Variants in ATP12A observed in about 807,000 individuals in gnomAD.
ATP12A encodes the protein ATPase H+/K+ transporting non-gastric alpha2 subunit, also known as potassium-transporting ATPase alpha chain 2.
ATP12A carries 81 observed loss-of-function variants against 111.2 expected under a neutral mutation model. The observed-to-expected ratio is 0.73, with a 90% CI of 0.61 to 0.88. ATP12A has a LOEUF of 0.88. Among genes scored for constraint, ATP12A ranks in the 40% least tolerant of loss-of-function variants. ATP12A has a pLI of 0.00. For synonymous variants in ATP12A, 498 were observed against 499.8 expected, an observed-to-expected ratio of 1.00 and a Z score of 0.05; for missense variants, 1,196 against 1,313.1, an observed-to-expected ratio of 0.91 and a Z score of 1.38.
chr13:24,690,240 T>C, intron 5 of ATP12A, 98 bp from the exon 6 acceptor site: 1 of 1,536,866 alleles, frequency 6.5e-7, no homozygotes, highest in Non-Finnish European at 8.8e-7. Flanking sequence ...ATCAGGAAGT[T>C]CCAAGGCCTC....
At chr13:24,693,301 C>T (rs150976271) in intron 10 of ATP12A, among the ~76,000 whole-genome samples, 5 of 152,186 alleles carry the variant, frequency 3.3e-5, no homozygotes, top group African/African-American at 1.2e-4. Flanking sequence ...TCTAAGGGGT[C>T]CTGGAATATC....
At position 24,698,691 on chromosome 13, in the gene ATP12A, A is replaced by G; in HGVS notation, c.1546A>G (p.Lys516Glu). 1 of 1,613,846 alleles carries G rather than the reference A, an allele frequency of 6.2e-7. No homozygotes were observed. Among genetic ancestry groups the G allele is most frequent in the Non-Finnish European group, 8.5e-7 (1 of 1,179,994 alleles). Residue 516 changes from lysine (K) to glutamate (E), a missense_variant, in exon 12 of 23, where the codon AAG (lysine) becomes GAG (glutamate). Lys to Glu is a moderately conservative substitution (Grantham distance 56). This residue lies in a region of ATP12A where 1,126 missense variants were observed against 1,228.5 expected (regional missense o/e 0.92). Transcript: ENST00000381946. ...CCACGAGATGGATGACCCCCACGGC[A>G]AGCGCTTCCTCATGGTGATGAAGGG... Reference protein sequence around the residue: ...SIHEMDDPHGKRFLMVMKGAP... With the variant: ...SIHEMDDPHGERFLMVMKGAP...
At chr13:24,699,004 C>T (rs920675239) in intron 12 of ATP12A, among the ~76,000 whole-genome samples, 154 bp downstream of exon 12, 2 of 152,180 alleles carry the variant, frequency 1.3e-5, no homozygotes, top group African/African-American at 4.8e-5. Context: ...GGAGAGGATG[C>T]TGTGTGACAG....
intron 8 of ATP12A, among the ~76,000 whole-genome samples, chr13:24,691,714 T>C (rs901801105): frequency 6.6e-6 from 1 of 152,120 alleles, no homozygotes; most frequent in East Asian, 1.9e-4. Context: ...CAGCTGTTTG[T>C]ATGGGCCCAT....
intron 14 of ATP12A, among the ~76,000 whole-genome samples, chr13:24,703,145 C>T (rs1033162921): frequency 6.6e-6 from 1 of 152,186 alleles, no homozygotes; most frequent in African/African-American, 2.4e-5. Context: ...TAACATCCCT[C>T]TATGAAAACA....
At chr13:24,692,151 G>A (rs1050365327) in intron 8 of ATP12A, among the ~76,000 whole-genome samples, 1 of 152,274 alleles carries the variant, frequency 6.6e-6, no homozygotes, top group East Asian at 1.9e-4. Flanking sequence ...CAGCGTGTCC[G>A]TGTTTGCTGC....
Position 24,711,348 on chromosome 13 carries a change from C to G in ATP12A, c.3030C>G (p.His1010Gln), listed in dbSNP as rs769294165. The G allele has an allele frequency of 3.7e-6, 6 of 1,607,814 alleles. No individual in the cohort carries two copies. In the South Asian group the frequency reaches 6.7e-5, roughly 18 times the overall value. The change falls in exon 22 of 23, where the codon CAC becomes CAG. Residue 1010 changes from histidine (H) to glutamine (Q), a missense_variant. By Grantham distance (24) the His-to-Gln change is conservative. Coordinates refer to ENST00000381946, the MANE Select transcript of ATP12A (RefSeq NM_001676.7). ...AGTACTGGTTTGTGGCTGTGCCGCA[C>G]GCCATCCTGATCTGGGTGTATGATG... Reference protein sequence around the residue: ...RAQYWFVAVPHAILIWVYDEV... With the variant: ...RAQYWFVAVPQAILIWVYDEV...
At chr13:24,690,259 G>A in intron 5 of ATP12A, 79 bp from the exon 6 acceptor site, 1 of 1,571,102 alleles carries the variant, frequency 6.4e-7, no homozygotes, top group South Asian at 1.2e-5. Flanking sequence ...TCTGTCCTGG[G>A]GTTCGGTGCG....
Position 24,707,343 on chromosome 13 carries a change from G to C in ATP12A, c.2403G>C (p.Glu801Asp). ...ATTCCCTGACCAAGAACATTGCCGA[G>C]CTGTGCCCCTTTCTGATCTACATCA... ...IAYSLTKNIA[E>D]LCPFLIYIIV... The change falls in exon 17 of 23, where the codon GAG (glutamate) becomes GAC (aspartate). Residue 801 changes from glutamate to aspartate, a missense_variant. By Grantham distance (45) the Glu-to-Asp change is conservative (BLOSUM62 2). Around this residue, in one of 3 missense-constraint regions of ATP12A, gnomAD observed 1,126 missense variants for 1,228.5 expected, o/e 0.92. Coordinates refer to ENST00000381946, the MANE Select transcript of ATP12A (RefSeq NM_001676.7). 1 of 1,614,224 alleles carries C rather than the reference G, an allele frequency of 6.2e-7. No individual in the cohort carries two copies. Among genetic ancestry groups the C allele is most frequent in the Non-Finnish European group, 8.5e-7 (1 of 1,180,034 alleles).
At chr13:24,693,304 G>A (rs1566072600) in intron 10 of ATP12A, among the ~76,000 whole-genome samples, 1 of 151,988 alleles carries the variant, frequency 6.6e-6, no homozygotes, top group Non-Finnish European at 1.5e-5. Context: ...AAGGGGTCCT[G>A]GAATATCGGA....
At chr13:24,700,034 A>G (rs1427426239) in intron 12 of ATP12A, among the ~76,000 whole-genome samples, 4 of 152,200 alleles carry the variant, frequency 2.6e-5, no homozygotes. Context: ...AGCCTGCTCC[A>G]TTGACATTTG....
At chr13:24,689,667 A>T (rs1305898883) in intron 5 of ATP12A, among the ~76,000 whole-genome samples, 1 of 152,042 alleles carries the variant, frequency 6.6e-6, no homozygotes. Context: ...AAGGTCAGGG[A>T]GTGTTCTTTC....
chr13:24,680,622 C>A lies in ATP12A; in HGVS notation c.-122C>A. ...GGGCCCGCGCCGCCGCCGGTATCTC[C>A]ACCGCCAACACCTCAGCCACTGCCA... On this transcript the variant is annotated 5_prime_UTR_variant, in exon 1 of 23. Transcript: ENST00000381946. 8.2e-7 allele frequency: 1 copy of A among 1,220,274 alleles called. No homozygotes were observed. The highest frequency in any genetic ancestry group is 1.1e-6 in the Non-Finnish European group (1 of 893,646). 75.6% of individuals were successfully genotyped at this position (1,220,274 alleles called of 1,614,324 possible).
Position 24,690,605 on chromosome 13 carries a change from T to C in ATP12A, c.683T>C (p.Val228Ala). ...AACCACCTTCAACATTTCTTCTAGG[T>C]GGATAACTCATCTCTCACGGGGGAG... ...IRVLSSQGCR[V>A]DNSSLTGESE... The change falls in exon 7 of 23, where the codon GTG becomes GCG. Residue 228 changes from valine (V) to alanine (A), a missense_variant and splice_region_variant. Transcript: ENST00000381946. 2 of 1,611,002 alleles carry C rather than the reference T, an allele frequency of 1.2e-6. No homozygotes were observed. Among genetic ancestry groups the C allele is most frequent in the Non-Finnish European group, 1.7e-6 (2 of 1,178,598 alleles).
chr13:24,702,045 C>T lies in ATP12A; in HGVS notation c.1992C>T (p.Asn664=). ...TGGAAGACATTGCACATCGCCTCAA[C>T]ATTGCTGTGGAGCAAGTTAACAAAC... ...ETVEDIAHRL[N]IAVEQVNKRD... The change falls in exon 14 of 23, where the codon AAC becomes AAT. Residue 664 remains asparagine (N), a synonymous_variant. Coordinates refer to ENST00000381946, the MANE Select transcript of ATP12A (RefSeq NM_001676.7). 6.2e-7 allele frequency: 1 copy of T among 1,614,244 alleles called. No individual in the cohort carries two copies. The highest frequency in any genetic ancestry group is 8.5e-7 in the Non-Finnish European group (1 of 1,180,046).
chr13:24,700,115 G>A (rs1875328234), intron 12 of ATP12A, among the ~76,000 whole-genome samples: 1 of 152,180 alleles, frequency 6.6e-6, no homozygotes, highest in South Asian at 2.1e-4. Flanking sequence ...GGTCCCACCA[G>A]ACACAAGAGT....
In ATP12A at chr13:24,682,088, GTGTGTGTGA is replaced by G. The variant is rs1291916080; in HGVS notation, c.168+377_168+385del. Among the ~76,000 whole-genome samples the G allele has an allele frequency of 4.4e-3, 455 of 104,016 alleles. 2 individuals carry two copies. Among genetic ancestry groups the G allele is most frequent in the East Asian group, 8.4e-3 (28 of 3,320 alleles). The allele number at this position is 104,016 out of a possible 152,430, so 68.2% of individuals were successfully genotyped here. A position where few individuals can be genotyped will look rare whatever the true frequency, so the allele number is the denominator to read the frequency against. On this transcript the variant is annotated intron_variant, in intron 2 of 22. Coordinates refer to ENST00000381946, the MANE Select transcript of ATP12A (RefSeq NM_001676.7). ...TGTGTGTATGGTGTGTGTATGTGTG[GTGTGTGTGA>G]TGTGTGTGTGATGTGTGTGTGGTGT...
Position 24,700,734 on chromosome 13 carries a change from A to G in ATP12A, c.1706-13A>G. ...TCTAGTTTCACTGACTCACTAATTC[A>G]TCTGTATTACAGGTTTCTGTCATCT... On this transcript the variant is annotated splice_polypyrimidine_tract_variant and intron_variant, in intron 12 of 22. Transcript: ENST00000381946. 1 of 1,602,936 alleles carries G rather than the reference A, an allele frequency of 6.2e-7. No homozygotes were observed. The highest frequency in any genetic ancestry group is 8.5e-7 in the Non-Finnish European group (1 of 1,171,874).
At chr13:24,683,541 T>A (rs1874558293) in intron 2 of ATP12A, among the ~76,000 whole-genome samples, 1 of 152,212 alleles carries the variant, frequency 6.6e-6, no homozygotes, top group Non-Finnish European at 1.5e-5. Flanking sequence ...ATCCGAGCTT[T>A]GTATTGATCG....
Sources: gnomAD v4.1 joint callset for allele counts (sites outside exome capture counted in the v4.1 genomes callset) on GRCh38, gnomAD v4.1.1 for gene constraint, gnomAD v4.1.1 regional missense constraint, MANE v1.5 for transcripts, NCBI Gene and HGNC (gene_info 2026-07-23, HGNC 2026-07-21) for gene names.